SLC22A3: variants seen among roughly 807,000 people sequenced by gnomAD.
The protein encoded by SLC22A3 is solute carrier family 22 member 3.
Under a neutral mutation model 59.1 loss-of-function variants are expected in SLC22A3, and 51 were observed. The observed-to-expected ratio is 0.86, with a 90% CI of 0.69 to 1.09. The LOEUF (loss-of-function observed/expected upper bound fraction) is 1.09. Among genes scored for constraint, SLC22A3 ranks in the 50% least tolerant of loss-of-function variants. The pLI, the probability that SLC22A3 is intolerant of heterozygous loss-of-function variation, is 0.00. For synonymous variants in SLC22A3, 325 were observed against 292.0 expected, an observed-to-expected ratio of 1.11 and a Z score of -1.15; for missense variants, 711 against 726.3, an observed-to-expected ratio of 0.98 and a Z score of 0.24.
intron 5 of SLC22A3, among the ~76,000 whole-genome samples, chr6:160,412,961 A>G (rs866350065): frequency 1.2e-3 from 184 of 152,302 alleles, no homozygotes; most frequent in African/African-American, 4.2e-3. Context: ...ATATATAAAA[A>G]TAGGAATATA....
intron 1 of SLC22A3, among the ~76,000 whole-genome samples, chr6:160,355,889 A>G (rs1784823734): frequency 6.6e-6 from 1 of 152,156 alleles, no homozygotes; most frequent in Non-Finnish European, 1.5e-5. Context: ...GCCTCTACCC[A>G]GGGCTGGGCT....
At chr6:160,425,492 A>G (rs924671648) in intron 5 of SLC22A3, among the ~76,000 whole-genome samples, 3 of 152,064 alleles carry the variant, frequency 2.0e-5, no homozygotes, top group Admixed American at 6.6e-5. Flanking sequence ...TATTTTCTCT[A>G]ATCCTCTATA....
At chr6:160,429,638 C>A (rs185406890) in intron 5 of SLC22A3, among the ~76,000 whole-genome samples, 8 of 152,210 alleles carry the variant, frequency 5.3e-5, no homozygotes, top group Non-Finnish European at 8.8e-5. Flanking sequence ...AGATCTGGGG[C>A]GGGGCTTGTT....
chr6:160,350,614 A>G (rs1173863033), intron 1 of SLC22A3, among the ~76,000 whole-genome samples: 1 of 152,208 alleles, frequency 6.6e-6, no homozygotes, highest in Non-Finnish European at 1.5e-5. Flanking sequence ...TTTTGGAGAC[A>G]TTTAAAGATG....
At chr6:160,375,778 C>T (rs979209711) in intron 1 of SLC22A3, among the ~76,000 whole-genome samples, 15 of 151,898 alleles carry the variant, frequency 9.9e-5, no homozygotes, top group African/African-American at 1.9e-4. Context: ...AAATCAAGAA[C>T]GCATATTTCA....
intron 2 of SLC22A3, among the ~76,000 whole-genome samples, chr6:160,404,898 A>T (rs143365644): frequency 0.022 from 3,409 of 151,540 alleles, 46 homozygotes; most frequent in Non-Finnish European, 0.034. Flanking sequence ...CTAGACACAG[A>T]CCTTACACCC....
chr6:160,448,721 T>C (rs1354979764), intron 10 of SLC22A3, among the ~76,000 whole-genome samples: 1 of 152,108 alleles, frequency 6.6e-6, no homozygotes, highest in Non-Finnish European at 1.5e-5. Context: ...CATAGAGATA[T>C]GAATATGAGA....
intron 2 of SLC22A3, among the ~76,000 whole-genome samples, chr6:160,404,154 A>T (rs1786906440): frequency 6.6e-6 from 1 of 151,724 alleles, no homozygotes; most frequent in African/African-American, 2.4e-5. Context: ...CACAGATGTC[A>T]TGATTGTCTA....
chr6:160,379,829 A>G lies in SLC22A3; in HGVS notation c.430-18150A>G, dbSNP rs1055152517. Among the ~76,000 whole-genome samples the G allele has an allele frequency of 7.9e-5, 12 of 152,204 alleles. 1 individual carries two copies. The highest frequency in any genetic ancestry group is 2.7e-4 in the African/African-American group (11 of 41,464). On this transcript the variant is annotated intron_variant, in intron 1 of 10. Transcript: ENST00000275300. ...TATGTCACCAGATTTTATTTCTCCCATCATTGAATCTGGACAGGCTTCTTT... is the reference window on the plus strand; with the variant it reads ...TATGTCACCAGATTTTATTTCTCCCGTCATTGAATCTGGACAGGCTTCTTT...
chr6:160,397,423 C>T (rs535235604), intron 1 of SLC22A3, among the ~76,000 whole-genome samples: 1 of 151,750 alleles, frequency 6.6e-6, no homozygotes, highest in Non-Finnish European at 1.5e-5. Context: ...GGGACTCTTG[C>T]TCTATTCAAT....
intron 1 of SLC22A3, among the ~76,000 whole-genome samples, chr6:160,361,462 C>G (rs1210675030): frequency 2.0e-5 from 3 of 152,322 alleles, no homozygotes; most frequent in East Asian, 3.9e-4. Context: ...CCATGCTACT[C>G]TAATCAAGGG....
intron 1 of SLC22A3, among the ~76,000 whole-genome samples, chr6:160,362,447 G>A (rs1785046216): frequency 6.6e-6 from 1 of 152,214 alleles, no homozygotes; most frequent in African/African-American, 2.4e-5. Context: ...GGTAGGCGCA[G>A]GCCTGCCTGA....
intron 5 of SLC22A3, among the ~76,000 whole-genome samples, chr6:160,435,380 G>A (rs913600716): frequency 6.6e-6 from 1 of 152,144 alleles, no homozygotes; most frequent in African/African-American, 2.4e-5. Flanking sequence ...CTCAGTTGTA[G>A]GACACCTTCC....
At chr6:160,377,414 G>A (rs1243707918) in intron 1 of SLC22A3, among the ~76,000 whole-genome samples, 1 of 152,044 alleles carries the variant, frequency 6.6e-6, no homozygotes, top group Non-Finnish European at 1.5e-5. Flanking sequence ...GAACCCAGAA[G>A]GTGGAGGTTG....
intron 7 of SLC22A3, among the ~76,000 whole-genome samples, chr6:160,442,499 A>C (rs1420845321): frequency 6.6e-6 from 1 of 152,240 alleles, no homozygotes; most frequent in African/African-American, 2.4e-5. Flanking sequence ...GTGGCTGCTC[A>C]TGCTCAACAA....
intron 5 of SLC22A3, among the ~76,000 whole-genome samples, chr6:160,433,759 A>G (rs1425220726): frequency 6.6e-6 from 1 of 152,106 alleles, no homozygotes; most frequent in African/African-American, 2.4e-5. Context: ...ACCTGAACTG[A>G]CCAGAGATCT....
intron 3 of SLC22A3, 57 bp from the exon 4 acceptor site, chr6:160,408,696 G>T (rs936791491): frequency 6.4e-7 from 1 of 1,553,692 alleles, no homozygotes; most frequent in African/African-American, 1.4e-5. Context: ...GTATTTGTTT[G>T]TTTATTTTGG....
At chr6:160,387,044 T>A (rs990767171) in intron 1 of SLC22A3, among the ~76,000 whole-genome samples, 3 of 152,044 alleles carry the variant, frequency 2.0e-5, no homozygotes, top group Non-Finnish European at 2.9e-5. Context: ...CTCATGCGCA[T>A]GGCATCAAGG....
intron 5 of SLC22A3, among the ~76,000 whole-genome samples, chr6:160,431,279 A>G (rs1001826553): frequency 3.3e-5 from 5 of 152,230 alleles, no homozygotes; most frequent in Non-Finnish European, 7.3e-5. Context: ...GTAAAAGAAT[A>G]ATAGTGGCGG....
Sources: gnomAD v4.1 joint callset for allele counts (sites outside exome capture counted in the v4.1 genomes callset) on GRCh38, gnomAD v4.1.1 for gene constraint, MANE v1.5 for transcripts, NCBI Gene and HGNC (gene_info 2026-07-23, HGNC 2026-07-21) for gene names.